MAGI3: variants seen among roughly 807,000 people sequenced by gnomAD.
The protein encoded by MAGI3 is membrane-associated guanylate kinase, WW and PDZ domain-containing protein 3.
Under a neutral mutation model 121.8 loss-of-function variants are expected in MAGI3, and 43 were observed. The ratio of observed to expected loss-of-function variants is 0.35; its 90% confidence interval spans 0.28 to 0.46. MAGI3 has a LOEUF of 0.46. Ranked by LOEUF, MAGI3 falls within the 20% of genes least tolerant of loss-of-function variation. MAGI3 has a pLI of 1.00. For missense variants in MAGI3, 1,547 were observed against 1,797.3 expected (o/e 0.86, Z 2.52); for synonymous variants, 553 against 639.3 (o/e 0.86, Z 2.04).
At chr1:113,618,996 T>A (rs1650656914) in intron 7 of MAGI3, among the ~76,000 whole-genome samples, 1 of 152,258 alleles carries the variant, frequency 6.6e-6, no homozygotes, top group Admixed American at 6.5e-5. Context: ...CTTTTTCTTC[T>A]GTAAAACATA....
chr1:113,437,037 A>G (rs1021966506), intron 1 of MAGI3, among the ~76,000 whole-genome samples: 2 of 152,014 alleles, frequency 1.3e-5, no homozygotes, highest in Admixed American at 6.5e-5. Flanking sequence ...GATGGTCTCT[A>G]TCTCCTGAGC....
chr1:113,639,660 T>G (rs567043011), intron 9 of MAGI3, among the ~76,000 whole-genome samples: 7 of 152,252 alleles, frequency 4.6e-5, no homozygotes, highest in Admixed American at 1.3e-4. Context: ...CTCTGCCTCC[T>G]GGGTTCAAGC....
At position 113,685,252 on chromosome 1, in the gene MAGI3, G is replaced by A. The variant is rs1171145304; in HGVS notation, c.*1238G>A. 2 of 152,356 alleles carry A rather than the reference G, an allele frequency of 1.3e-5. No homozygotes were observed. Among genetic ancestry groups the A allele is most frequent in the African/African-American group, 4.8e-5 (2 of 41,460 alleles). 9.4% of individuals were successfully genotyped at this position (152,356 alleles called of 1,614,324 possible). A position where few individuals can be genotyped will look rare whatever the true frequency, so the allele number is the denominator to read the frequency against. ...GTCTAGTTAAAGATGTTTCTTAGAAGTTGGAGACTGTTAACAACTTCCATA... is the reference window on the plus strand; with the variant it reads ...GTCTAGTTAAAGATGTTTCTTAGAAATTGGAGACTGTTAACAACTTCCATA... On this transcript the variant is annotated 3_prime_UTR_variant, in exon 21 of 21. Coordinates refer to ENST00000307546, the MANE Select transcript of MAGI3 (RefSeq NM_001142782.2).
chr1:113,480,838 C>T (rs775352458), intron 1 of MAGI3, among the ~76,000 whole-genome samples: 11 of 152,116 alleles, frequency 7.2e-5, no homozygotes, highest in Non-Finnish European at 1.6e-4. Context: ...TGCCATCTTA[C>T]TGATGGCACT....
At chr1:113,652,934 T>C (rs1653254631) in intron 14 of MAGI3, among the ~76,000 whole-genome samples, 1 of 152,224 alleles carries the variant, frequency 6.6e-6, no homozygotes, top group African/African-American at 2.4e-5. Context: ...CAGAAGTGTT[T>C]GCTATTCATG....
chr1:113,417,679 A>G (rs551432199), intron 1 of MAGI3, among the ~76,000 whole-genome samples: 279 of 152,146 alleles, frequency 1.8e-3, no homozygotes, highest in African/African-American at 6.6e-3. Flanking sequence ...TGGGCTATGT[A>G]TTCCTCCTGT....
chr1:113,677,115 C>G (rs1005790355), intron 19 of MAGI3, among the ~76,000 whole-genome samples: 1 of 151,890 alleles, frequency 6.6e-6, no homozygotes, highest in East Asian at 1.9e-4. Context: ...TTCTTCCTTT[C>G]GGTCTGGTTA....
intron 1 of MAGI3, among the ~76,000 whole-genome samples, chr1:113,462,704 A>G (rs1655093140): frequency 6.6e-6 from 1 of 152,140 alleles, no homozygotes; most frequent in Admixed American, 6.5e-5. Flanking sequence ...CAAACCTAAA[A>G]TAAAAGGTGA....
intron 1 of MAGI3, among the ~76,000 whole-genome samples, chr1:113,410,487 CA>C (rs1270415174): frequency 6.6e-6 from 1 of 151,922 alleles, no homozygotes; most frequent in East Asian, 1.9e-4. Context: ...AATACATGGT[CA>C]AAAAATGTGA....
At chr1:113,436,804 A>G (rs975807401) in intron 1 of MAGI3, among the ~76,000 whole-genome samples, 1 of 150,858 alleles carries the variant, frequency 6.6e-6, no homozygotes, top group African/African-American at 2.4e-5. Context: ...CAAATTTTAA[A>G]GACAGTCTTT....
At chr1:113,509,226 C>A (rs28409906) in intron 1 of MAGI3, among the ~76,000 whole-genome samples, 8,915 of 152,022 alleles carry the variant, frequency 0.059, 382 homozygotes, top group Non-Finnish European at 0.093. Flanking sequence ...TTTAAAAAAA[C>A]CCCACTAACA....
intron 1 of MAGI3, among the ~76,000 whole-genome samples, chr1:113,456,488 A>G (rs1346420244): frequency 1.3e-5 from 2 of 152,216 alleles, no homozygotes; most frequent in Non-Finnish European, 1.5e-5. Flanking sequence ...AAGTAGTAAT[A>G]CAGACCTAGT....
chr1:113,451,850 T>C (rs1310311803), intron 1 of MAGI3, among the ~76,000 whole-genome samples: 1 of 152,230 alleles, frequency 6.6e-6, no homozygotes, highest in African/African-American at 2.4e-5. Context: ...GCTATGGCAG[T>C]GTGTCTGTAC....
intron 19 of MAGI3, among the ~76,000 whole-genome samples, chr1:113,675,994 GT>G (rs1647842032): frequency 6.6e-6 from 1 of 150,998 alleles, no homozygotes; most frequent in Non-Finnish European, 1.5e-5. Context: ...TTTATTCCTG[GT>G]TTTCTTGGTC....
rs1648189631 is a variant in MAGI3 at position 113,583,763 on chromosome 1, T to TGCAGA, written c.554-1624_554-1623insGCAGA. Among the ~76,000 whole-genome samples the TGCAGA allele has an allele frequency of 2.0e-5, 3 of 152,142 alleles. No homozygotes were observed. In the South Asian group the frequency reaches 6.2e-4, roughly 32 times the overall value. On this transcript the variant is annotated intron_variant, in intron 3 of 20. Coordinates refer to ENST00000307546, the MANE Select transcript of MAGI3 (RefSeq NM_001142782.2). ...TGAGCTAGAAAGTTTGCAGAAAGTTTAGTCTGTTTTCATACAAATCTTTGC... is the reference window on the plus strand; with the variant it reads ...TGAGCTAGAAAGTTTGCAGAAAGTTTGCAGAAGTCTGTTTTCATACAAATCTTTGC...
chr1:113,514,519 G>C (rs544718554), intron 1 of MAGI3, among the ~76,000 whole-genome samples: 92 of 151,402 alleles, frequency 6.1e-4, no homozygotes, highest in African/African-American at 1.9e-3. Flanking sequence ...GTAAACTATC[G>C]CAAGAACAAA....
intron 19 of MAGI3, among the ~76,000 whole-genome samples, chr1:113,679,456 A>G (rs1557889040): frequency 6.6e-6 from 1 of 152,206 alleles, no homozygotes; most frequent in Admixed American, 6.5e-5. Context: ...TTATGGCTGC[A>G]TAGTATTCTA....
At chr1:113,670,811 C>T (rs1243381741) in intron 16 of MAGI3, among the ~76,000 whole-genome samples, 1 of 152,194 alleles carries the variant, frequency 6.6e-6, no homozygotes, top group Non-Finnish European at 1.5e-5. Context: ...GCACAGAGAA[C>T]ATAACAGATT....
chr1:113,540,019 C>T (rs1040084612), intron 1 of MAGI3, among the ~76,000 whole-genome samples: 5 of 152,016 alleles, frequency 3.3e-5, no homozygotes, highest in African/African-American at 9.7e-5. Flanking sequence ...GAGATGGTCT[C>T]GGACTCCTGG....
Sources: allele counts gnomAD v4.1 joint callset (sites outside exome capture counted in the v4.1 genomes callset), GRCh38; gene constraint gnomAD v4.1.1; transcripts MANE v1.5; gene names NCBI Gene and HGNC (gene_info 2026-07-23, HGNC 2026-07-21).